The following RHPN2 variants were observed in gnomAD, a reference collection of about 807,000 sequenced individuals.
The protein encoded by RHPN2 is rhophilin-2.
Under a neutral mutation model 79.0 loss-of-function variants are expected in RHPN2, and 40 were observed. That is an observed-to-expected ratio of 0.51 (90% CI 0.39 to 0.66). RHPN2 has a LOEUF of 0.66. RHPN2 is among the 30% of genes least tolerant of loss of function. RHPN2 has a pLI of 0.00. For missense variants in RHPN2, 686 were observed against 883.5 expected (o/e 0.78, Z 2.83); for synonymous variants, 285 against 363.5 (o/e 0.78, Z 2.46).
intron 2 of RHPN2, among the ~76,000 whole-genome samples, chr19:33,036,679 G>C (rs867722452): frequency 6.6e-6 from 1 of 152,330 alleles, no homozygotes; most frequent in Middle Eastern, 3.4e-3. Flanking sequence ...CGCGGTGCTT[G>C]CGGGCTAGCG....
rs779141531 is a variant in RHPN2, at chr19:32,990,674, A to G, written c.1645-5T>C. The G allele has an allele frequency of 3.1e-6, 5 of 1,613,956 alleles. No homozygotes were observed. The South Asian group carries it at 5.5e-5, about 18-fold the overall frequency. On this transcript the variant is annotated splice_polypyrimidine_tract_variant and splice_region_variant and intron_variant, in intron 13 of 14. Coordinates refer to ENST00000254260, the MANE Select transcript of RHPN2 (RefSeq NM_033103.5). ...TCCTTCCCGGGCTCCTGCCACCTGA[A>G]AAAGTATTGTTGAAATTAAGTCAAC...
At position 32,990,601 on chromosome 19, in the gene RHPN2, C is replaced by T; in HGVS notation, c.1713G>A (p.Leu571=). 6.2e-7 allele frequency: 1 copy of T among 1,613,934 alleles called. No homozygotes were observed. The highest frequency in any genetic ancestry group is 8.5e-7 in the Non-Finnish European group (1 of 1,179,866). The part of the protein sequence containing the change: ...IQLVDCKWLT[L]SEVMKLLKSF... Reference sequence around the variant, plus strand: ...TCTTCAGCAGCTTCATAACCTCACTCAGCGTCAGCCACTTACAATCCACAA... The same window carrying T: ...TCTTCAGCAGCTTCATAACCTCACTTAGCGTCAGCCACTTACAATCCACAA... The change falls in exon 14 of 15, where the codon CTG becomes CTA. Residue 571 remains leucine, a synonymous_variant. Coordinates refer to ENST00000254260, the MANE Select transcript of RHPN2 (RefSeq NM_033103.5).
At chr19:32,987,155 GGT>G (rs1183968212) in intron 14 of RHPN2, among the ~76,000 whole-genome samples, 1 of 152,078 alleles carries the variant, frequency 6.6e-6, no homozygotes, top group African/African-American at 2.4e-5. Context: ...TGGAATTACA[GGT>G]GTGAGCCAGC....
rs112852051 is a variant in RHPN2 at position 33,007,853 on chromosome 19, G to A, written c.760+161C>T. Among the ~76,000 whole-genome samples the A allele has an allele frequency of 4.8e-3, 723 of 151,336 alleles. 9 individuals are homozygous for A. Among genetic ancestry groups the A allele is most frequent in the African/African-American group, 0.014 (560 of 41,212 alleles). ...GCTGGGATTACAGGCGTGAGCCACC[G>A]CGCCCGGCCGGAGCAAGTTTCTTAA... On this transcript the variant is annotated intron_variant, in intron 7 of 14. Coordinates refer to ENST00000254260, the MANE Select transcript of RHPN2 (RefSeq NM_033103.5).
chr19:33,022,721 T>C (rs563712793), intron 3 of RHPN2, among the ~76,000 whole-genome samples: 2 of 152,266 alleles, frequency 1.3e-5, no homozygotes, highest in East Asian at 3.9e-4. Context: ...CCCTGACCTG[T>C]AACAGGAGAC....
At chr19:33,054,725 ATGCAGCCTTTGTGTCACGGGACGC>A (rs1160919184) in intron 1 of RHPN2, among the ~76,000 whole-genome samples, 1 of 152,204 alleles carries the variant, frequency 6.6e-6, no homozygotes, top group African/African-American at 2.4e-5. Context: ...GCTACCTCCA[ATGCAGCCTTTGTGTCACGGGACGC>A]TGGTACCTGA....
At chr19:33,048,694 C>T (rs963303675) in intron 1 of RHPN2, among the ~76,000 whole-genome samples, 1 of 128,334 alleles carries the variant, frequency 7.8e-6, no homozygotes, top group Non-Finnish European at 1.5e-5. Context: ...CCACTGCACT[C>T]CAGCCTGGGT....
intron 1 of RHPN2, among the ~76,000 whole-genome samples, chr19:33,045,614 C>T (rs1025958334): frequency 6.6e-6 from 1 of 151,974 alleles, no homozygotes; most frequent in Non-Finnish European, 1.5e-5. Context: ...GCTGGAATTA[C>T]AGGTGCCCAC....
intron 1 of RHPN2, among the ~76,000 whole-genome samples, chr19:33,056,831 C>T (rs932568324): frequency 2.0e-5 from 3 of 151,528 alleles, no homozygotes; most frequent in Non-Finnish European, 4.4e-5. Flanking sequence ...GAGACCAGGC[C>T]GGGCGCAGTG....
Position 33,008,068 on chromosome 19 carries a change from G to T in RHPN2, c.706C>A (p.Arg236=). 1.2e-6 allele frequency: 2 copies of T among 1,613,502 alleles called. No individual in the cohort carries two copies. Among genetic ancestry groups the T allele is most frequent in the Non-Finnish European group, 1.7e-6 (2 of 1,179,964 alleles). The change falls in exon 7 of 15, where the codon CGG becomes AGG. Residue 236 remains arginine (R), a synonymous_variant. Transcript: ENST00000254260. Reference sequence around the variant, plus strand: ...CTCTCCAGCCCAGCCTGCGTCTGCCGATCACACCGGGTCCCAATCTGGGTG... The same window carrying T: ...CTCTCCAGCCCAGCCTGCGTCTGCCTATCACACCGGGTCCCAATCTGGGTG... ...LYTQIGTRCD[R]QTQAGLESAI...
intron 1 of RHPN2, among the ~76,000 whole-genome samples, chr19:33,055,337 G>A (rs1466546508): frequency 6.6e-6 from 1 of 151,902 alleles, no homozygotes; most frequent in African/African-American, 2.4e-5. Context: ...TCCAGCCTGG[G>A]TGACACAGCC....
At chr19:33,063,617 G>A (rs557056450) in intron 1 of RHPN2, among the ~76,000 whole-genome samples, 1 of 152,348 alleles carries the variant, frequency 6.6e-6, no homozygotes, top group Admixed American at 6.5e-5. Flanking sequence ...GAGGGAGGAA[G>A]GCTTGGAAGG....
intron 12 of RHPN2, 24 bp downstream of exon 12, chr19:32,993,953 G>A (rs1971680726): frequency 6.4e-7 from 1 of 1,563,520 alleles, no homozygotes; most frequent in Non-Finnish European, 8.8e-7. Flanking sequence ...TAGGTCATTT[G>A]AATGTAGAGA....
chr19:33,041,605 G>A (rs9783948), intron 2 of RHPN2, among the ~76,000 whole-genome samples: 26,099 of 152,032 alleles, frequency 0.17, 2,885 homozygotes, highest in East Asian at 0.31. Context: ...TGCTGTTGTC[G>A]TTAAGAGAAC....
intron 2 of RHPN2, chr19:33,027,383 A>C (rs1454023814): frequency 2.0e-5 from 3 of 153,202 alleles, no homozygotes; most frequent in East Asian, 3.8e-4. Context: ...ATGGTGGTGC[A>C]TGCCTATAGT....
At chr19:32,981,300 G>A (rs1405694165) in intron 14 of RHPN2, among the ~76,000 whole-genome samples, 1 of 151,704 alleles carries the variant, frequency 6.6e-6, no homozygotes, top group East Asian at 1.9e-4. Context: ...CTACCTGGGA[G>A]GCTTAGAGGG....
intron 1 of RHPN2, among the ~76,000 whole-genome samples, chr19:33,064,448 C>G (rs942508672): frequency 1.6e-4 from 24 of 152,012 alleles, no homozygotes; most frequent in Admixed American, 5.2e-4. Context: ...GGTCCTTTCC[C>G]CAGGCACCAG....
At chr19:32,986,382 T>C (rs777644082) in intron 14 of RHPN2, among the ~76,000 whole-genome samples, 16 of 152,152 alleles carry the variant, frequency 1.1e-4, no homozygotes, top group Non-Finnish European at 2.1e-4. Flanking sequence ...GTCTTTTCTG[T>C]TTCTGCTGGG....
intron 2 of RHPN2, among the ~76,000 whole-genome samples, chr19:33,043,489 T>C (rs1244941786): frequency 2.0e-5 from 3 of 152,132 alleles, no homozygotes; most frequent in South Asian, 2.1e-4. Context: ...GAGACACAGG[T>C]TGCAGTGAGC....
Sources: gnomAD v4.1 joint callset for allele counts (sites outside exome capture counted in the v4.1 genomes callset) on GRCh38, gnomAD v4.1.1 for gene constraint, MANE v1.5 for transcripts, NCBI Gene and HGNC (gene_info 2026-07-23, HGNC 2026-07-21) for gene names.